C5: variants seen among roughly 807,000 people sequenced by gnomAD.
C5 encodes the protein complement C5, also known as C3 and PZP-like alpha-2-macroglobulin domain-containing protein 4.
In C5, 140 loss-of-function variants were observed where a neutral mutation model predicts 218.8. The observed-to-expected ratio is 0.64, with a 90% CI of 0.56 to 0.74. C5 has a LOEUF of 0.74. C5 is among the 30% of genes least tolerant of loss of function. The pLI, the probability that C5 is intolerant of heterozygous loss-of-function variation, is 0.00. For missense variants in C5, 1,700 were observed against 1,969.6 expected, an observed-to-expected ratio of 0.86 and a Z score of 2.59; for synonymous variants, 614 against 682.3, an observed-to-expected ratio of 0.90 and a Z score of 1.56.
the C5 span, among the ~76,000 whole-genome samples, chr9:121,065,009 G>A: frequency 1.3e-5 from 2 of 152,164 alleles, no homozygotes; most frequent in Admixed American, 1.3e-4. Context: ...GGCAGAGGTT[G>A]CAGTAGGCCA....
At chr9:120,987,161 C>T (rs978218230) in intron 25 of C5, among the ~76,000 whole-genome samples, 16 of 152,060 alleles carry the variant, frequency 1.1e-4, no homozygotes, top group Admixed American at 5.2e-4. Context: ...CTTTGGCTTC[C>T]GGAAACCTAG....
Position 121,014,083 on chromosome 9 carries a change from T to C in C5, c.2060-13A>G, listed in dbSNP as rs2047286349. 1 of 1,608,162 alleles carries C rather than the reference T, an allele frequency of 6.2e-7. No homozygotes were observed. Among genetic ancestry groups the C allele is most frequent in the Non-Finnish European group, 8.5e-7 (1 of 1,174,646 alleles). On this transcript the variant is annotated splice_polypyrimidine_tract_variant and intron_variant, in intron 16 of 40. Coordinates refer to ENST00000223642, the MANE Select transcript of C5 (RefSeq NM_001735.3). ...TTATATTTAGCAGCTGAAATGGTAA[T>C]AATGCAAGTGCTCTTGATGACGCAG...
At chr9:121,033,013 G>GGTGTGTGT in intron 5 of C5, among the ~76,000 whole-genome samples, 1 of 143,174 alleles carries the variant, frequency 7.0e-6, no homozygotes, top group African/African-American at 2.9e-5. Context: ...AAAAACTATG[G>GGTGTGTGT]GTGTGTGTGT....
chr9:121,034,292 C>T (rs1468642362), intron 5 of C5, among the ~76,000 whole-genome samples: 1 of 152,198 alleles, frequency 6.6e-6, no homozygotes, highest in Non-Finnish European at 1.5e-5. Flanking sequence ...GTGATTTGCA[C>T]ATACCAAGAA....
chr9:120,953,602 A>G, intron 40 of C5, 128 bp downstream of exon 40: 1 of 961,340 alleles, frequency 1.0e-6, no homozygotes, highest in Non-Finnish European at 1.7e-6. Flanking sequence ...GCTTGACATT[A>G]ATATTATTTA....
At chr9:121,029,346 C>T (rs1056135766) in intron 7 of C5, among the ~76,000 whole-genome samples, 5 of 152,140 alleles carry the variant, frequency 3.3e-5, no homozygotes, top group Non-Finnish European at 5.9e-5. Context: ...GGCATGGACT[C>T]TGGAAGCAGA....
intron 38 of C5, among the ~76,000 whole-genome samples, chr9:120,959,103 C>G (rs1386980176): frequency 6.6e-6 from 1 of 151,930 alleles, no homozygotes; most frequent in Non-Finnish European, 1.5e-5. Context: ...GAAGTTCTTA[C>G]GAGACCCTTT....
rs764482325 is a variant in C5 at position 121,006,958 on chromosome 9, G to A, written c.2368C>T (p.Leu790=). 2 of 1,612,070 alleles carry A rather than the reference G, an allele frequency of 1.2e-6. No homozygotes were observed. Among genetic ancestry groups the A allele is most frequent in the Admixed American group, 1.7e-5 (1 of 60,008 alleles). The change falls in exon 19 of 41, where the codon CTA becomes TTA. Residue 790 remains leucine, a synonymous_variant. Transcript: ENST00000223642. ...TCCCAGGTGGTTAGAGAATCAGGTA[G>A]GGCAAACTGCAACTGTTTTCTGGAA... is the stretch of plus-strand genomic sequence containing the variant. ...VPRRKQLQFA[L]PDSLTTWEIQ...
chr9:120,996,129 A>T, intron 22 of C5, 111 bp downstream of exon 22: 1 of 883,358 alleles, frequency 1.1e-6, no homozygotes, highest in Non-Finnish European at 1.9e-6. Context: ...AGAAGTGGAT[A>T]CTACTGATTT....
intron 28 of C5, among the ~76,000 whole-genome samples, chr9:120,977,167 C>T (rs1265763998): frequency 2.0e-5 from 3 of 152,090 alleles, no homozygotes; most frequent in African/African-American, 7.2e-5. Flanking sequence ...TGACATGATG[C>T]CACAGGTGGG....
chr9:121,066,727 G>T, the C5 span, among the ~76,000 whole-genome samples: 2 of 151,608 alleles, frequency 1.3e-5, no homozygotes, highest in African/African-American at 4.9e-5. Context: ...GTGCGTGCCT[G>T]TAATCCCAGC....
intron 23 of C5, among the ~76,000 whole-genome samples, chr9:120,990,176 T>C (rs931900302): frequency 2.6e-5 from 4 of 152,230 alleles, no homozygotes; most frequent in African/African-American, 4.8e-5. Flanking sequence ...CTGTGCAACC[T>C]TGGACATGCC....
rs577506862 is a variant in C5 at position 121,029,144 on chromosome 9, T to C, written c.758+1253A>G. Among the ~76,000 whole-genome samples the C allele has an allele frequency of 8.3e-4, 127 of 152,380 alleles. 2 individuals are homozygous for C. Among genetic ancestry groups the C allele is most frequent in the African/African-American group, 2.8e-3 (115 of 41,592 alleles). ...TAAAGTAAGAATAAAGTAAACTTTCTACCCAGCAAATAATACTATAGCAAG... is the reference window on the plus strand; with the variant it reads ...TAAAGTAAGAATAAAGTAAACTTTCCACCCAGCAAATAATACTATAGCAAG... On this transcript the variant is annotated intron_variant, in intron 7 of 40. Coordinates refer to ENST00000223642, the MANE Select transcript of C5 (RefSeq NM_001735.3).
Position 121,014,214 on chromosome 9 carries a change from C to T in C5, c.2060-144G>A. The T allele has an allele frequency of 5.5e-6, 4 of 729,358 alleles. No homozygotes were observed. In the South Asian group the frequency reaches 6.0e-5, roughly 11 times the overall value. 45.2% of individuals were successfully genotyped at this position (729,358 alleles called of 1,614,324 possible). A position where few individuals can be genotyped will look rare whatever the true frequency, so the allele number is the denominator to read the frequency against. ...TTATGGCTAGTTGACTGTCCAGACT[C>T]CCCTTGGAACTATTCTAAGAATGGG... On this transcript the variant is annotated intron_variant, in intron 16 of 40. Coordinates refer to ENST00000223642, the MANE Select transcript of C5 (RefSeq NM_001735.3).
At chr9:120,953,524 C>T (rs2046762193) in intron 40 of C5, among the ~76,000 whole-genome samples, 2 of 152,132 alleles carry the variant, frequency 1.3e-5, no homozygotes, top group South Asian at 4.1e-4. Context: ...ATCATCAGGT[C>T]CAGACACTCA....
intron 12 of C5, 136 bp from the exon 13 acceptor site, chr9:121,017,988 C>A: frequency 1.5e-6 from 1 of 661,126 alleles, no homozygotes; most frequent in East Asian, 2.8e-5. Context: ...CACAGTGGCT[C>A]ACACCTGTAA....
chr9:121,003,426 CAA>C (rs1250219179), intron 20 of C5, among the ~76,000 whole-genome samples: 1 of 151,902 alleles, frequency 6.6e-6, no homozygotes, highest in Non-Finnish European at 1.5e-5. Context: ...CCTGATGAAA[CAA>C]GTTTATATGG....
Position 120,989,611 on chromosome 9 carries a change from G to A in C5, c.3111C>T (p.Asp1037=). The change falls in exon 24 of 41, where the codon GAC becomes GAT. Residue 1037 remains aspartate (D), a synonymous_variant. Transcript: ENST00000223642. ...TCAGTTTCTGCTTTTCAATTAATGG[G>A]TCAGAATGAAAAATGTTCCAATGAT... is the stretch of plus-strand genomic sequence containing the variant. ...TGNHWNIFHS[D]PLIEKQKLKK... 1 of 1,611,796 alleles carries A rather than the reference G, an allele frequency of 6.2e-7. No homozygotes were observed. Among genetic ancestry groups the A allele is most frequent in the Non-Finnish European group, 8.5e-7 (1 of 1,179,082 alleles).
chr9:120,953,951 C>T lies in C5; in HGVS notation c.4763-83G>A, dbSNP rs541208745. On this transcript the variant is annotated intron_variant, in intron 39 of 40. Transcript: ENST00000223642. ...TAAACTCTCAAGTTTTCTGGTTCCTCGTGGCTATTGAGAGGTTCATGGCTA... is the reference window on the plus strand; with the variant it reads ...TAAACTCTCAAGTTTTCTGGTTCCTTGTGGCTATTGAGAGGTTCATGGCTA... The T allele has an allele frequency of 7.5e-4, 1,098 of 1,471,210 alleles. 11 individuals carry two copies. The South Asian group carries it at 9.8e-3, about 13-fold the overall frequency. 91.1% of individuals were successfully genotyped at this position (1,471,210 alleles called of 1,614,324 possible).
Sources: gnomAD v4.1 joint callset for allele counts (sites outside exome capture counted in the v4.1 genomes callset) on GRCh38, gnomAD v4.1.1 for gene constraint, MANE v1.5 for transcripts, NCBI Gene and HGNC (gene_info 2026-07-23, HGNC 2026-07-21) for gene names.